The following PSTPIP2 variants were observed in gnomAD, a reference collection of about 807,000 sequenced individuals.
The protein encoded by PSTPIP2 is proline-serine-threonine phosphatase-interacting protein 2.
A neutral mutation model predicts 63.3 loss-of-function variants in PSTPIP2; 33 were observed. That is an observed-to-expected ratio of 0.52 (90% CI 0.40 to 0.70). The LOEUF (loss-of-function observed/expected upper bound fraction) is 0.70, where lower values mean the gene tolerates loss of function less well. PSTPIP2 is among the 30% of genes least tolerant of loss of function. The probability of loss-of-function intolerance (pLI) is 0.00; values close to 1 mark genes in which losing one functional copy is unlikely to be tolerated. For missense variants in PSTPIP2, 312 were observed against 400.7 expected, an observed-to-expected ratio of 0.78 and a Z score of 1.89; for synonymous variants, 125 against 132.7, an observed-to-expected ratio of 0.94 and a Z score of 0.40.
intron 1 of PSTPIP2, among the ~76,000 whole-genome samples, chr18:46,056,896 G>C (rs2144127333): frequency 6.6e-6 from 1 of 152,234 alleles, no homozygotes; most frequent in African/African-American, 2.4e-5. Context: ...GAGGTCAGGA[G>C]TTCAAGACCA....
chr18:46,024,403 G>A (rs375970316), intron 3 of PSTPIP2, among the ~76,000 whole-genome samples: 15 of 152,086 alleles, frequency 9.9e-5, no homozygotes, highest in African/African-American at 3.6e-4. Context: ...CTCCCAAAGT[G>A]CTGGGGTTAG....
chr18:46,017,397 C>T (rs969139949), intron 3 of PSTPIP2, among the ~76,000 whole-genome samples: 3 of 152,082 alleles, frequency 2.0e-5, no homozygotes, highest in Non-Finnish European at 2.9e-5. Flanking sequence ...ATTTATCATT[C>T]TTGGGATTAA....
chr18:45,998,046 G>A (rs987771486), intron 8 of PSTPIP2, among the ~76,000 whole-genome samples: 2 of 152,000 alleles, frequency 1.3e-5, no homozygotes, highest in African/African-American at 2.4e-5. Flanking sequence ...TTTAAACATT[G>A]GACCTAACAT....
chr18:45,988,543 C>G (rs1228579323), intron 14 of PSTPIP2, among the ~76,000 whole-genome samples, 159 bp downstream of exon 14: 2 of 152,066 alleles, frequency 1.3e-5, no homozygotes, highest in African/African-American at 4.8e-5. Context: ...CTGTGGGATC[C>G]ACAGAGGTGT....
Position 46,034,766 on chromosome 18 carries a change from C to T in PSTPIP2, c.134+5181G>A, listed in dbSNP as rs113093599. Among the ~76,000 whole-genome samples, 707 of 152,218 alleles carry T rather than the reference C, an allele frequency of 4.6e-3. 11 individuals are homozygous for T. The highest frequency in any genetic ancestry group is 0.029 in the Admixed American group (444 of 15,286). ...GGCAAGTTCCATAGCCTCTCTGAAC[C>T]TCAATTTCTTCAATTATAACATAAG... On this transcript the variant is annotated intron_variant, in intron 2 of 14. Transcript: ENST00000409746.
intron 1 of PSTPIP2, among the ~76,000 whole-genome samples, chr18:46,052,264 T>C (rs922905543): frequency 6.6e-6 from 1 of 152,210 alleles, no homozygotes; most frequent in Non-Finnish European, 1.5e-5. Flanking sequence ...TTGTGTTCCT[T>C]TTCACTCCAA....
chr18:46,019,136 T>G (rs1333665673), intron 3 of PSTPIP2, among the ~76,000 whole-genome samples: 1 of 152,120 alleles, frequency 6.6e-6, no homozygotes, highest in Non-Finnish European at 1.5e-5. Flanking sequence ...TGGAGGCTGA[T>G]CTCATGGAAC....
At chr18:45,998,678 G>T in intron 8 of PSTPIP2, 116 bp downstream of exon 8, 3 of 1,024,918 alleles carry the variant, frequency 2.9e-6, no homozygotes, top group South Asian at 1.7e-5. Flanking sequence ...TAATCCTGCT[G>T]AATATCCATA....
intron 2 of PSTPIP2, among the ~76,000 whole-genome samples, chr18:46,025,178 C>A (rs2144096783): frequency 6.6e-6 from 1 of 152,284 alleles, no homozygotes; most frequent in East Asian, 1.9e-4. Context: ...CCTTCCCCTT[C>A]CCCTCTCCCC....
At chr18:46,022,270 A>G (rs1907392149) in intron 3 of PSTPIP2, among the ~76,000 whole-genome samples, 1 of 92,704 alleles carries the variant, frequency 1.1e-5, no homozygotes, top group Non-Finnish European at 2.8e-5. Context: ...GTCTAGGATG[A>G]GTGTGTGTGT....
At chr18:46,036,609 G>A (rs942630596) in intron 2 of PSTPIP2, among the ~76,000 whole-genome samples, 60 of 152,310 alleles carry the variant, frequency 3.9e-4, no homozygotes, top group Non-Finnish European at 1.0e-4. Context: ...AGCAGCACAC[G>A]GAGCGGCTCC....
chr18:46,042,481 T>C lies in PSTPIP2; in HGVS notation c.34-2434A>G, dbSNP rs1374923017. 2.6e-5 allele frequency among the ~76,000 whole-genome samples: 4 copies of C among 152,196 alleles called. No homozygotes were observed. The East Asian group carries it at 5.8e-4, about 22-fold the overall frequency. ...ATCTGAATTTGTTTGCTATTATGCC[T>C]GTGAATACCTTTCTGTCCCCACTCC... is the stretch of plus-strand genomic sequence containing the variant. On this transcript the variant is annotated intron_variant, in intron 1 of 14. Coordinates refer to ENST00000409746, the MANE Select transcript of PSTPIP2 (RefSeq NM_024430.4).
intron 4 of PSTPIP2, 96 bp from the exon 5 acceptor site, chr18:46,011,383 GGAGT>G: frequency 1.0e-6 from 1 of 959,636 alleles, no homozygotes; most frequent in Non-Finnish European, 1.6e-6. Context: ...ACAAAATACT[GGAGT>G]AAGTGGTAAA....
chr18:46,057,870 C>T (rs1462390851), intron 1 of PSTPIP2, among the ~76,000 whole-genome samples: 1 of 151,458 alleles, frequency 6.6e-6, no homozygotes, highest in South Asian at 2.1e-4. Flanking sequence ...TGGTGGCGGG[C>T]GCCTGTAGTC....
At chr18:46,068,373 C>T (rs1435467659) in intron 1 of PSTPIP2, among the ~76,000 whole-genome samples, 5 of 152,168 alleles carry the variant, frequency 3.3e-5, no homozygotes. Flanking sequence ...TCTCAGCTCA[C>T]TGCAAGCTCC....
At chr18:45,999,818 C>T (rs370250244) in intron 6 of PSTPIP2, among the ~76,000 whole-genome samples, 2 of 152,166 alleles carry the variant, frequency 1.3e-5, no homozygotes, top group South Asian at 2.1e-4. Flanking sequence ...TAAAAATGGA[C>T]TGAAACGAAA....
At chr18:46,013,280 G>A (rs610186) in intron 4 of PSTPIP2, among the ~76,000 whole-genome samples, 46,249 of 152,004 alleles carry the variant, frequency 0.3, 9,691 homozygotes, top group African/African-American at 0.58. Context: ...GATGAGTTAC[G>A]GAGGGAAGAA....
At chr18:45,995,701 G>C (rs900779686) in intron 9 of PSTPIP2, among the ~76,000 whole-genome samples, 4 of 152,188 alleles carry the variant, frequency 2.6e-5, no homozygotes, top group African/African-American at 9.7e-5. Flanking sequence ...CTGCAGGCTG[G>C]GGCAGTCAGG....
At chr18:46,055,694 C>A (rs534534713) in intron 1 of PSTPIP2, among the ~76,000 whole-genome samples, 1 of 152,194 alleles carries the variant, frequency 6.6e-6, no homozygotes, top group Non-Finnish European at 1.5e-5. Flanking sequence ...TAACAGCTTA[C>A]CCGCAATGAC....
Sources: gnomAD v4.1 joint callset for allele counts (sites outside exome capture counted in the v4.1 genomes callset) on GRCh38, gnomAD v4.1.1 for gene constraint, MANE v1.5 for transcripts, NCBI Gene and HGNC (gene_info 2026-07-23, HGNC 2026-07-21) for gene names.